ALG9: variants seen among roughly 807,000 people sequenced by gnomAD.
ALG9 encodes alpha-1,2-mannosyltransferase ALG9.
A neutral mutation model predicts 81.8 loss-of-function variants in ALG9; 55 were observed. The observed-to-expected ratio is 0.67, with a 90% CI of 0.54 to 0.84. The LOEUF (loss-of-function observed/expected upper bound fraction) is 0.84, where lower values mean the gene tolerates loss of function less well. Among genes scored for constraint, ALG9 ranks in the 40% least tolerant of loss-of-function variants. The pLI is 0.00. For synonymous variants in ALG9, 278 were observed against 274.3 expected (o/e 1.01, Z -0.13); for missense variants, 629 against 745.0 (o/e 0.84, Z 1.81).
intron 13 of ALG9, among the ~76,000 whole-genome samples, chr11:111,821,016 A>G (rs1290818288): frequency 6.6e-6 from 1 of 152,056 alleles, no homozygotes; most frequent in Admixed American, 6.6e-5. Flanking sequence ...GGATTGCTTG[A>G]TATCAGGAAT....
At chr11:111,807,429 T>C (rs1038538396) in intron 14 of ALG9, among the ~76,000 whole-genome samples, 3 of 152,196 alleles carry the variant, frequency 2.0e-5, no homozygotes, top group Non-Finnish European at 4.4e-5. Flanking sequence ...TTGAATATCA[T>C]CTTTTCATTG....
intron 3 of ALG9, among the ~76,000 whole-genome samples, chr11:111,867,274 G>A (rs930847352): frequency 1.3e-5 from 2 of 152,134 alleles, no homozygotes; most frequent in African/African-American, 4.8e-5. Flanking sequence ...TAACAGACTT[G>A]GGGGGAAAAG....
Position 111,786,327 on chromosome 11 carries a change from T to G in ALG9, c.*70A>C, listed in dbSNP as rs1946462161. ...TATTACAAATGTTACAGGCGATGAC[T>G]TGCAGGGAGTCAGGTCACTGGAATC... On this transcript the variant is annotated 3_prime_UTR_variant, in exon 15 of 15. Transcript: ENST00000616540. 1.2e-6 allele frequency: 2 copies of G among 1,606,132 alleles called. No individual in the cohort carries two copies. Among genetic ancestry groups the G allele is most frequent in the Non-Finnish European group, 1.7e-6 (2 of 1,174,114 alleles).
intron 14 of ALG9, among the ~76,000 whole-genome samples, chr11:111,790,189 G>A (rs572665209): frequency 2.3e-4 from 35 of 152,182 alleles, no homozygotes; most frequent in Non-Finnish European, 4.7e-4. Flanking sequence ...AAAATTAGCT[G>A]GGCATGGTGG....
At position 111,836,154 on chromosome 11, in the gene ALG9, G is replaced by A; in HGVS notation, c.1602+11C>T. The A allele has an allele frequency of 6.2e-7, 1 of 1,613,734 alleles. No homozygotes were observed. Among genetic ancestry groups the A allele is most frequent in the Non-Finnish European group, 8.5e-7 (1 of 1,179,698 alleles). ...CTTTTCAGAGAAGCAAGAAGAGAAT[G>A]TAGCCCTTACATATCTGGATGGCTC... On this transcript the variant is annotated intron_variant, in intron 13 of 14. Transcript: ENST00000616540.
chr11:111,813,834 C>T (rs1389590754), intron 13 of ALG9, among the ~76,000 whole-genome samples: 2 of 152,044 alleles, frequency 1.3e-5, no homozygotes, highest in East Asian at 1.9e-4. Flanking sequence ...GAATGTGGAA[C>T]AACAATTATA....
intron 13 of ALG9, 100 bp downstream of exon 13, chr11:111,836,065 C>G (rs1955199587): frequency 6.4e-7 from 1 of 1,560,988 alleles, no homozygotes; most frequent in South Asian, 1.1e-5. Flanking sequence ...AAATTGCTTT[C>G]TAAGAAATTC....
chr11:111,855,260 CTATT>C (rs1200420406), intron 6 of ALG9, among the ~76,000 whole-genome samples: 14 of 152,170 alleles, frequency 9.2e-5, no homozygotes, highest in Non-Finnish European at 1.9e-4. Context: ...AACGTAAAAA[CTATT>C]TAGTTGTTGG....
At chr11:111,775,200 G>A in the ALG9 span, among the ~76,000 whole-genome samples, 1 of 152,106 alleles carries the variant, frequency 6.6e-6, no homozygotes, top group Non-Finnish European at 1.5e-5. Context: ...GCAACAGCAG[G>A]GCCAACTTAA....
chr11:111,861,292 G>A (rs1292203568), intron 4 of ALG9, among the ~76,000 whole-genome samples: 5 of 152,218 alleles, frequency 3.3e-5, no homozygotes, highest in African/African-American at 1.2e-4. Flanking sequence ...ATGTTTGTTC[G>A]GACATACCCA....
chr11:111,838,723 C>A (rs1442284902), intron 10 of ALG9, among the ~76,000 whole-genome samples: 5 of 151,984 alleles, frequency 3.3e-5, no homozygotes, highest in Admixed American at 1.3e-4. Context: ...ATAAAGTATT[C>A]CAATTTGTTT....
downstream of ALG9, among the ~76,000 whole-genome samples, chr11:111,781,796 C>T (rs782058458): frequency 6.6e-6 from 1 of 152,092 alleles, no homozygotes; most frequent in Non-Finnish European, 1.5e-5. Context: ...TACAGGCATG[C>T]GCCACTACGC....
At chr11:111,837,111 T>C (rs1955434700) in intron 12 of ALG9, among the ~76,000 whole-genome samples, 1 of 152,114 alleles carries the variant, frequency 6.6e-6, no homozygotes. Context: ...CTAGCTGGAG[T>C]TTCTAGACCA....
At chr11:111,804,230 G>A (rs1048957114) in intron 14 of ALG9, among the ~76,000 whole-genome samples, 4 of 151,838 alleles carry the variant, frequency 2.6e-5, no homozygotes, top group African/African-American at 4.8e-5. Context: ...CTCGGGTTTG[G>A]CAATGACTTT....
chr11:111,799,659 A>G (rs1948815769), intron 14 of ALG9, among the ~76,000 whole-genome samples: 1 of 152,294 alleles, frequency 6.6e-6, no homozygotes, highest in East Asian at 1.9e-4. Context: ...TCTTTCTCCC[A>G]TCCTGCTTTT....
chr11:111,860,582 A>G lies in ALG9; in HGVS notation c.530T>C (p.Leu177Ser). Residue 177 changes from leucine to serine, a missense_variant, in exon 5 of 15, where the codon TTG becomes TCG. Physicochemically the swap from Leu to Ser is moderately radical, Grantham distance 145. Around this residue, in one of 3 missense-constraint regions of ALG9, gnomAD observed 344 missense variants for 390.5 expected, o/e 0.88. Transcript: ENST00000616540. ...LHVSRMMLAF[L>S]VLSTGMFCSS... ...GCAAAACATGCCAGTGCTGAGAACC[A>G]AGAAGGCTAGCATCATTCGACTCAC... 3 of 1,614,160 alleles carry G rather than the reference A, an allele frequency of 1.9e-6. No homozygotes were observed. The highest frequency in any genetic ancestry group is 2.5e-6 in the Non-Finnish European group (3 of 1,180,004).
chr11:111,860,512 T>G, intron 5 of ALG9, 35 bp downstream of exon 5: 2 of 1,571,358 alleles, frequency 1.3e-6, no homozygotes, highest in Non-Finnish European at 1.8e-6. Flanking sequence ...TACCTGGTGA[T>G]GACCTGCAAT....
At chr11:111,769,553 A>C in the ALG9 span, 2 of 151,884 alleles carry the variant, frequency 1.3e-5, no homozygotes, top group African/African-American at 4.9e-5. Context: ...TGGGAGGTTG[A>C]GGCTGCAGTG....
intron 13 of ALG9, among the ~76,000 whole-genome samples, chr11:111,813,257 A>C (rs1364058139): frequency 1.3e-5 from 2 of 152,264 alleles, no homozygotes; most frequent in Non-Finnish European, 2.9e-5. Flanking sequence ...ATTATAAAAA[A>C]GAATGACGAT....
Sources: gnomAD v4.1 joint callset for allele counts (sites outside exome capture counted in the v4.1 genomes callset) on GRCh38, gnomAD v4.1.1 for gene constraint, gnomAD v4.1.1 regional missense constraint, MANE v1.5 for transcripts, NCBI Gene and HGNC (gene_info 2026-07-23, HGNC 2026-07-21) for gene names.